RBFOX1: variants seen among roughly 807,000 people sequenced by gnomAD.
RBFOX1 encodes RNA binding protein fox-1 homolog 1.
A neutral mutation model predicts 57.7 loss-of-function variants in RBFOX1; 8 were observed. The observed-to-expected ratio is 0.14, with a 90% CI of 0.08 to 0.25. The LOEUF is 0.25. Ranked by LOEUF, RBFOX1 falls within the 10% of genes least tolerant of loss-of-function variation. The pLI, the probability that RBFOX1 is intolerant of heterozygous loss-of-function variation, is 1.00. For missense variants in RBFOX1, 611 were observed against 548.5 expected, an observed-to-expected ratio of 1.11 and a Z score of -1.14; for synonymous variants, 326 against 222.4, an observed-to-expected ratio of 1.47 and a Z score of -4.15.
intron 2 of RBFOX1, among the ~76,000 whole-genome samples, chr16:6,331,602 A>G (rs1158148988): frequency 2.3e-5 from 2 of 87,296 alleles, no homozygotes; most frequent in East Asian, 2.5e-4. Context: ...GTGTGTATAT[A>G]TATGTGTATA....
chr16:7,277,823 A>C (rs376442868), intron 4 of RBFOX1, among the ~76,000 whole-genome samples: 1 of 152,212 alleles, frequency 6.6e-6, no homozygotes, highest in African/African-American at 2.4e-5. Flanking sequence ...ATTAGTTAAC[A>C]TAAGAATTCC....
At chr16:7,662,597 G>T (rs1204928406) in intron 12 of RBFOX1, among the ~76,000 whole-genome samples, 1 of 152,186 alleles carries the variant, frequency 6.6e-6, no homozygotes, top group Non-Finnish European at 1.5e-5. Context: ...AGCTTTTAAG[G>T]TGCAACGAGT....
At chr16:6,774,309 A>C (rs1467379105) in intron 3 of RBFOX1, among the ~76,000 whole-genome samples, 1 of 152,146 alleles carries the variant, frequency 6.6e-6, no homozygotes, top group African/African-American at 2.4e-5. Context: ...GTGCCCCTCC[A>C]GGAAAGTATC....
chr16:5,874,649 A>C (rs2057559726), intron 4 of RBFOX1, among the ~76,000 whole-genome samples: 1 of 152,172 alleles, frequency 6.6e-6, no homozygotes. Flanking sequence ...ATATGTGCTG[A>C]GAATAAGGAG....
At chr16:5,325,022 A>G (rs371326465) in intron 1 of RBFOX1, among the ~76,000 whole-genome samples, 1 of 152,120 alleles carries the variant, frequency 6.6e-6, no homozygotes, top group African/African-American at 2.4e-5. Context: ...TGTACAACAA[A>G]CAGAAGTCTA....
intron 3 of RBFOX1, among the ~76,000 whole-genome samples, chr16:6,883,797 T>G (rs2063420231): frequency 6.6e-6 from 1 of 152,134 alleles, no homozygotes; most frequent in Non-Finnish European, 1.5e-5. Context: ...TGAAGAGGTT[T>G]TTTTTTTTCT....
chr16:5,266,002 A>G (rs186157989), intron 1 of RBFOX1, among the ~76,000 whole-genome samples: 4 of 152,172 alleles, frequency 2.6e-5, no homozygotes, highest in Admixed American at 1.3e-4. Flanking sequence ...TGAGACAGAA[A>G]GAATGGAAAC....
chr16:5,805,932 C>A, intron 3 of RBFOX1, among the ~76,000 whole-genome samples: 1 of 152,252 alleles, frequency 6.6e-6, no homozygotes, highest in Middle Eastern at 3.4e-3. Context: ...TCTGGGGGGA[C>A]AAATGGAGAA....
At chr16:7,225,355 G>A (rs960521191) in intron 4 of RBFOX1, among the ~76,000 whole-genome samples, 1 of 152,110 alleles carries the variant, frequency 6.6e-6, no homozygotes, top group African/African-American at 2.4e-5. Context: ...CCTCATGGTA[G>A]TAAGTTTCAT....
chr16:6,148,975 A>C (rs983982158), intron 1 of RBFOX1, among the ~76,000 whole-genome samples: 1 of 152,210 alleles, frequency 6.6e-6, no homozygotes, highest in Non-Finnish European at 1.5e-5. Context: ...AAAAAAAAGA[A>C]AAGGGGGCCT....
chr16:7,664,735 C>T (rs2068728773), intron 12 of RBFOX1, 194 bp from the exon 13 acceptor site: 1 of 936,174 alleles, frequency 1.1e-6, no homozygotes, highest in East Asian at 2.6e-5. Context: ...GGGCCAACAC[C>T]AAAGCCCGGC....
chr16:5,586,252 A>G (rs12448934), intron 2 of RBFOX1, among the ~76,000 whole-genome samples: 17,401 of 152,168 alleles, frequency 0.11, 1,755 homozygotes, highest in East Asian at 0.5. Context: ...CTTCAGAACT[A>G]TGAGAGAATA....
intron 4 of RBFOX1, among the ~76,000 whole-genome samples, chr16:7,187,516 C>CT (rs2084169244): frequency 1.3e-5 from 2 of 150,914 alleles, no homozygotes; most frequent in Non-Finnish European, 1.5e-5. Context: ...AGTGAAACCC[C>CT]ATCTCTACTA....
At chr16:6,351,352 GTATATA>G (rs1261402122) in intron 2 of RBFOX1, among the ~76,000 whole-genome samples, 1 of 92,478 alleles carries the variant, frequency 1.1e-5, no homozygotes, top group African/African-American at 5.0e-5. Flanking sequence ...GTGTGTGTGT[GTATATA>G]TATATATATA....
intron 3 of RBFOX1, among the ~76,000 whole-genome samples, chr16:6,689,369 A>C (rs1300475943): frequency 2.0e-5 from 3 of 152,196 alleles, no homozygotes; most frequent in African/African-American, 7.2e-5. Context: ...CATATATTAT[A>C]TATGAAAATC....
At chr16:5,667,306 A>G (rs1284193573) in intron 3 of RBFOX1, among the ~76,000 whole-genome samples, 1 of 152,228 alleles carries the variant, frequency 6.6e-6, no homozygotes, top group Non-Finnish European at 1.5e-5. Flanking sequence ...TCTAATACGT[A>G]CATGTAAGGC....
At chr16:7,098,646 A>C (rs1191936856) in intron 4 of RBFOX1, among the ~76,000 whole-genome samples, 1 of 152,048 alleles carries the variant, frequency 6.6e-6, no homozygotes, top group Admixed American at 6.5e-5. Context: ...AGGACATTAG[A>C]GTGGTTAAAA....
chr16:6,732,290 C>T (rs1379405964), intron 3 of RBFOX1, among the ~76,000 whole-genome samples: 5 of 152,184 alleles, frequency 3.3e-5, no homozygotes, highest in Non-Finnish European at 5.9e-5. Context: ...GAAATTCCAG[C>T]TCCAGAATTC....
At chr16:6,450,778 T>TATAC (rs2094580054) in intron 2 of RBFOX1, among the ~76,000 whole-genome samples, 1 of 52,332 alleles carries the variant, frequency 1.9e-5, no homozygotes, top group East Asian at 4.3e-4. Flanking sequence ...TATATATATA[T>TATAC]ATATATATAT....
Sources: gnomAD v4.1 joint callset for allele counts (sites outside exome capture counted in the v4.1 genomes callset) on GRCh38, gnomAD v4.1.1 for gene constraint, MANE v1.5 for transcripts, NCBI Gene and HGNC (gene_info 2026-07-23, HGNC 2026-07-21) for gene names.